Variants in PTPRD observed in about 807,000 individuals in gnomAD.
The protein encoded by PTPRD is receptor-type tyrosine-protein phosphatase delta.
PTPRD carries 34 observed loss-of-function variants against 214.5 expected under a neutral mutation model. The ratio of observed to expected loss-of-function variants is 0.16; its 90% CI spans 0.12 to 0.21. PTPRD has a LOEUF of 0.21. Ranked by LOEUF, PTPRD falls within the 10% of genes least tolerant of loss-of-function variation. The probability of loss-of-function intolerance (pLI) is 1.00; values close to 1 mark genes in which losing one functional copy is unlikely to be tolerated. For synonymous variants in PTPRD, 1,128 were observed against 845.7 expected (o/e 1.33, Z -5.79); for missense variants, 2,545 against 2,398.7 (o/e 1.06, Z -1.27).
At chr9:10,228,133 C>A (rs2099595356) in intron 3 of PTPRD, among the ~76,000 whole-genome samples, 1 of 134,900 alleles carries the variant, frequency 7.4e-6, no homozygotes, top group Non-Finnish European at 1.7e-5. Context: ...AGAAAATATC[C>A]AAAGTTCTAG....
intron 11 of PTPRD, among the ~76,000 whole-genome samples, chr9:8,746,370 A>G (rs1172348433): frequency 1.3e-5 from 2 of 152,230 alleles, no homozygotes; most frequent in Non-Finnish European, 2.9e-5. Context: ...TCCTGCAGCA[A>G]TAAAAGCACT....
At chr9:10,454,883 A>G (rs2098895261) in intron 2 of PTPRD, among the ~76,000 whole-genome samples, 1 of 151,704 alleles carries the variant, frequency 6.6e-6, no homozygotes, top group African/African-American at 2.4e-5. Flanking sequence ...CCTAAAGATG[A>G]AACAAAGTGA....
chr9:8,934,476 TAA>T (rs1287563644), intron 11 of PTPRD, among the ~76,000 whole-genome samples: 2,642 of 11,338 alleles, frequency 0.23, 372 homozygotes, highest in East Asian at 0.46. Flanking sequence ...TATATATATA[TAA>T]ATATATATAT....
intron 5 of PTPRD, among the ~76,000 whole-genome samples, chr9:9,901,149 G>GC (rs1181579885): frequency 1.3e-5 from 2 of 152,102 alleles, no homozygotes; most frequent in Non-Finnish European, 2.9e-5. Context: ...GAGACTGGAA[G>GC]CAAGAGTGGA....
chr9:10,285,947 G>C (rs2095337161), intron 3 of PTPRD, among the ~76,000 whole-genome samples: 1 of 151,934 alleles, frequency 6.6e-6, no homozygotes, highest in South Asian at 2.1e-4. Context: ...AGCCATAATA[G>C]GTACCAGACT....
intron 3 of PTPRD, among the ~76,000 whole-genome samples, chr9:10,176,734 A>G (rs2099250822): frequency 1.3e-5 from 2 of 152,002 alleles, no homozygotes; most frequent in South Asian, 4.1e-4. Context: ...CATCTCTATA[A>G]AAGACAAGCT....
At chr9:10,506,916 T>C (rs966804752) in intron 2 of PTPRD, among the ~76,000 whole-genome samples, 5 of 152,124 alleles carry the variant, frequency 3.3e-5, no homozygotes, top group Middle Eastern at 3.2e-3. Flanking sequence ...GGGGCATATA[T>C]TGAATACCCT....
intron 2 of PTPRD, among the ~76,000 whole-genome samples, chr9:10,509,217 G>T (rs574554669): frequency 6.6e-6 from 1 of 152,066 alleles, no homozygotes; most frequent in South Asian, 2.1e-4. Flanking sequence ...ATCATTGCAG[G>T]ATAATGTGGT....
At chr9:9,575,717 C>CAAAAAAAAAAAA (rs757614546) in intron 7 of PTPRD, among the ~76,000 whole-genome samples, 27 of 33,306 alleles carry the variant, frequency 8.1e-4, no homozygotes, top group African/African-American at 9.7e-4. Context: ...AAGACTGTCT[C>CAAAAAAAAAAAA]AAAAAAAAAA....
intron 12 of PTPRD, among the ~76,000 whole-genome samples, chr9:8,697,006 G>A (rs192334861): frequency 2.0e-5 from 3 of 152,256 alleles, no homozygotes; most frequent in South Asian, 4.2e-4. Flanking sequence ...CAAAATGCTT[G>A]CGGAAGCGTG....
chr9:10,271,461 T>G (rs2094414877), intron 3 of PTPRD, among the ~76,000 whole-genome samples: 1 of 110,206 alleles, frequency 9.1e-6, no homozygotes, highest in Admixed American at 8.8e-5. Context: ...TGAAAAAATA[T>G]TCTTAATTAT....
chr9:9,501,791 G>A (rs934219658), intron 8 of PTPRD, among the ~76,000 whole-genome samples: 3 of 151,652 alleles, frequency 2.0e-5, no homozygotes, highest in African/African-American at 7.3e-5. Flanking sequence ...AAATGAAATG[G>A]CAAAATTTTA....
chr9:9,583,399 A>G (rs1320198709), intron 7 of PTPRD, among the ~76,000 whole-genome samples: 1 of 152,092 alleles, frequency 6.6e-6, no homozygotes, highest in African/African-American at 2.4e-5. Context: ...TGCTGTATTG[A>G]AAAGATTGAC....
chr9:8,666,872 T>C (rs778837029), intron 12 of PTPRD, among the ~76,000 whole-genome samples: 2 of 152,218 alleles, frequency 1.3e-5, no homozygotes, highest in African/African-American at 4.8e-5. Flanking sequence ...CTCAAACTGA[T>C]GTACGACTAA....
intron 11 of PTPRD, among the ~76,000 whole-genome samples, chr9:8,945,734 T>C (rs996437865): frequency 3.9e-5 from 6 of 152,254 alleles, no homozygotes; most frequent in African/African-American, 1.4e-4. Flanking sequence ...CATCTATACA[T>C]ACCACACTCA....
intron 2 of PTPRD, among the ~76,000 whole-genome samples, chr9:10,599,588 C>A (rs1405336002): frequency 6.6e-6 from 1 of 151,684 alleles, no homozygotes; most frequent in Admixed American, 6.6e-5. Flanking sequence ...AACAAATAGG[C>A]AAAGAACCAC....
At chr9:10,463,447 T>C (rs903426128) in intron 2 of PTPRD, among the ~76,000 whole-genome samples, 11 of 152,258 alleles carry the variant, frequency 7.2e-5, no homozygotes, top group Admixed American at 3.9e-4. Context: ...ACTGAATTAA[T>C]AAACAAGAAT....
chr9:9,401,604 ATTTT>A (rs112089821), intron 8 of PTPRD, among the ~76,000 whole-genome samples: 2 of 150,862 alleles, frequency 1.3e-5, no homozygotes, highest in South Asian at 4.2e-4. Flanking sequence ...GTTATATCTT[ATTTT>A]TTTTTTTTCC....
chr9:10,446,728 A>T (rs1269516810), intron 2 of PTPRD, among the ~76,000 whole-genome samples: 1 of 152,126 alleles, frequency 6.6e-6, no homozygotes, highest in Non-Finnish European at 1.5e-5. Flanking sequence ...AATCACCAGT[A>T]AACCTCAGGA....
Sources: gnomAD v4.1 joint callset for allele counts (sites outside exome capture counted in the v4.1 genomes callset) on GRCh38, gnomAD v4.1.1 for gene constraint, MANE v1.5 for transcripts, NCBI Gene and HGNC (gene_info 2026-07-23, HGNC 2026-07-21) for gene names.